ZNF608: variants seen among roughly 807,000 people sequenced by gnomAD.
ZNF608 encodes renal carcinoma antigen NY-REN-36.
ZNF608 carries 12 observed loss-of-function variants against 109.0 expected under a neutral mutation model. The observed-to-expected ratio is 0.11, with a 90% confidence interval of 0.07 to 0.18. The LOEUF is 0.18. Among genes scored for constraint, ZNF608 ranks in the 10% least tolerant of loss-of-function variants. ZNF608 has a pLI of 1.00. For missense variants in ZNF608, 1,707 were observed against 1,879.3 expected, an observed-to-expected ratio of 0.91 and a Z score of 1.70; for synonymous variants, 732 against 717.4, an observed-to-expected ratio of 1.02 and a Z score of -0.33.
At position 124,648,992 on chromosome 5, in the gene ZNF608, C is replaced by G. The variant is rs140407403; in HGVS notation, c.1392G>C (p.Gly464=). 3,353 of 1,614,116 alleles carry G rather than the reference C, an allele frequency of 2.1e-3. 36 individuals carry two copies. The highest frequency in any genetic ancestry group is 1.8e-3 in the Middle Eastern group (11 of 6,062). ...TGCCCCGCCTCCCTTTCCCATTGGCCCCCCCTCTGTTCTTATTCTGCAGCC... is the reference window on the plus strand; with the variant it reads ...TGCCCCGCCTCCCTTTCCCATTGGCGCCCCCTCTGTTCTTATTCTGCAGCC... ...SRGLQNKNRG[G]ANGKGRRGSL... is the part of the protein sequence containing the mutation. The change falls in exon 5 of 10, where the codon GGG becomes GGC. Residue 464 remains glycine, a synonymous_variant. Coordinates refer to ENST00000513986, the MANE Select transcript of ZNF608 (RefSeq NM_020747.3).
Position 124,637,688 on chromosome 5 carries a change from T to C in ZNF608, c.*212A>G. 4.5e-6 allele frequency: 1 copy of C among 222,086 alleles called. No individual in the cohort carries two copies. Among genetic ancestry groups the C allele is most frequent in the Non-Finnish European group, 8.5e-6 (1 of 117,618 alleles). 13.8% of individuals were successfully genotyped at this position (222,086 alleles called of 1,614,324 possible). On this transcript the variant is annotated 3_prime_UTR_variant, in exon 10 of 10. Transcript: ENST00000513986. ...ATATTTATATATATATATATGTATA[T>C]ATACAGATATGTATACGTATATATA... is the stretch of plus-strand genomic sequence containing the variant.
At chr5:124,692,078 A>C (rs1752650726) in intron 3 of ZNF608, among the ~76,000 whole-genome samples, 1 of 152,204 alleles carries the variant, frequency 6.6e-6, no homozygotes, top group Admixed American at 6.5e-5. Flanking sequence ...GAGGATATGA[A>C]TGATTTGAGG....
intron 3 of ZNF608, among the ~76,000 whole-genome samples, chr5:124,682,470 A>G (rs934974044): frequency 6.6e-6 from 1 of 152,264 alleles, no homozygotes; most frequent in Admixed American, 6.5e-5. Flanking sequence ...TGTATCCAAC[A>G]TAAGAGGCAA....
At position 124,639,270 on chromosome 5, in the gene ZNF608, C is replaced by A. The variant is rs190971886; in HGVS notation, c.4451-56G>T. On this transcript the variant is annotated intron_variant, in intron 8 of 9. Coordinates refer to ENST00000513986, the MANE Select transcript of ZNF608 (RefSeq NM_020747.3). Reference sequence around the variant, plus strand: ...ATCTTTAGAAGGATAAGAGTAGATACAGGCCCAGTGGAGAAGGGCCGCAGA... The same window carrying A: ...ATCTTTAGAAGGATAAGAGTAGATAAAGGCCCAGTGGAGAAGGGCCGCAGA... 4.7e-4 allele frequency: 716 copies of A among 1,530,472 alleles called. 9 individuals are homozygous for A. In the African/African-American group the frequency reaches 9.1e-3, roughly 19 times the overall value. 94.8% of individuals were successfully genotyped at this position (1,530,472 alleles called of 1,614,324 possible).
chr5:124,662,208 A>G (rs1410790491), intron 3 of ZNF608, among the ~76,000 whole-genome samples: 1 of 152,256 alleles, frequency 6.6e-6, no homozygotes, highest in Admixed American at 6.5e-5. Flanking sequence ...GTATTAATAT[A>G]CACAGCAGCG....
intron 2 of ZNF608, among the ~76,000 whole-genome samples, chr5:124,709,348 G>C (rs888531798): frequency 3.3e-5 from 5 of 152,136 alleles, no homozygotes; most frequent in Non-Finnish European, 7.4e-5. Flanking sequence ...AAACAGCAGT[G>C]ACTATTTTTA....
Position 124,744,547 on chromosome 5 carries a change from C to T in ZNF608, c.443G>A (p.Gly148Asp). The change falls in exon 2 of 10, where the codon GGC becomes GAC. Residue 148 changes from glycine to aspartate, a missense_variant. By Grantham distance (94) the Gly-to-Asp change is moderately conservative (BLOSUM62 -1). Transcript: ENST00000513986. The surrounding 1 kb of genome is among the most constrained non-coding windows in gnomAD (Gnocchi z 4.5). ...EVQGRPGEAT[G>D]MNSALGQSVS... ...ACTTTGACCCAGCGCTGAATTCATG[C>T]CAGTTGCCTCTCCAGGGCGCCCTTG... The T allele has an allele frequency of 6.2e-7, 1 of 1,614,230 alleles. No individual in the cohort carries two copies. The highest frequency in any genetic ancestry group is 8.5e-7 in the Non-Finnish European group (1 of 1,180,040).
intron 2 of ZNF608, among the ~76,000 whole-genome samples, chr5:124,709,304 G>A (rs1395058127): frequency 2.6e-5 from 4 of 151,424 alleles, no homozygotes; most frequent in Non-Finnish European, 4.4e-5. Context: ...CAAAGCAAGA[G>A]AATGTACACA....
chr5:124,744,615 A>G lies in ZNF608; in HGVS notation c.375T>C (p.Tyr125=). The change falls in exon 2 of 10, where the codon TAT becomes TAC. Residue 125 remains tyrosine (Y), a synonymous_variant. Transcript: ENST00000513986. This position sits in a 1 kb window ranked among gnomAD's most constrained non-coding sequence, Gnocchi z 4.5. ...ANKSLPSAAL[Y]GIPEISSTGK... ...CAGTGCTGCTGATCTCGGGAATCCCATACAAGGCAGCAGAAGGCAGAGATT... is the reference window on the plus strand; with the variant it reads ...CAGTGCTGCTGATCTCGGGAATCCCGTACAAGGCAGCAGAAGGCAGAGATT... 1 of 1,614,222 alleles carries G rather than the reference A, an allele frequency of 6.2e-7. No individual in the cohort carries two copies. The highest frequency in any genetic ancestry group is 8.5e-7 in the Non-Finnish European group (1 of 1,180,034).
chr5:124,646,101 G>A (rs965364049), intron 5 of ZNF608, among the ~76,000 whole-genome samples: 3 of 152,164 alleles, frequency 2.0e-5, no homozygotes, highest in Non-Finnish European at 4.4e-5. Context: ...GGTGGCTCAC[G>A]CCTGTAATCC....
At chr5:124,743,136 C>T (rs1183130805) in intron 2 of ZNF608, among the ~76,000 whole-genome samples, 2 of 152,010 alleles carry the variant, frequency 1.3e-5, no homozygotes, top group Admixed American at 1.3e-4. Context: ...TCTTCCAAGG[C>T]AGTGTCTAAC....
intron 3 of ZNF608, among the ~76,000 whole-genome samples, chr5:124,679,903 T>G (rs528193075): frequency 1.6e-4 from 25 of 152,252 alleles, no homozygotes; most frequent in African/African-American, 6.0e-4. Context: ...TTCTTAGAAG[T>G]GCAGATATTA....
At position 124,744,258 on chromosome 5, in the gene ZNF608, T is replaced by A. The variant is rs749651144; in HGVS notation, c.732A>T (p.Gly244=). ...CGCAGTGGAAGGGGCTCGCGCCACC[T>A]CCATTGCTCTTGGCCCCAAAGCCAT... The part of the protein sequence containing the change: ...HLYGFGAKSN[G]GGASPFHCGG... Residue 244 remains glycine, a synonymous_variant, in exon 2 of 10, where the codon GGA becomes GGT. Coordinates refer to ENST00000513986, the MANE Select transcript of ZNF608 (RefSeq NM_020747.3). The surrounding 1 kb of genome is among the most constrained non-coding windows in gnomAD (Gnocchi z 4.5). The A allele has an allele frequency of 1.2e-6, 2 of 1,613,222 alleles. No individual in the cohort carries two copies. Among genetic ancestry groups the A allele is most frequent in the East Asian group, 4.5e-5 (2 of 44,850 alleles).
Position 124,710,020 on chromosome 5 carries a change from G to T in ZNF608, c.907-8751C>A, listed in dbSNP as rs1019648490. On this transcript the variant is annotated intron_variant, in intron 2 of 9. Transcript: ENST00000513986. ...TAAATTCTGGATGTTGCTAAACATG[G>T]TTGCGCCTACATTAGCCAATAAATC... 1.1e-5 allele frequency: 3 copies of T among 261,900 alleles called. No homozygotes were observed. In the East Asian group the frequency reaches 3.1e-4, roughly 27 times the overall value. The allele number at this position is 261,900 out of a possible 1,614,324, so 16.2% of individuals were successfully genotyped here.
At chr5:124,712,008 G>A (rs1016708267) in intron 2 of ZNF608, among the ~76,000 whole-genome samples, 7 of 152,162 alleles carry the variant, frequency 4.6e-5, no homozygotes, top group African/African-American at 1.4e-4. Flanking sequence ...AATTAGCCGG[G>A]TGTAGGTGTG....
chr5:124,644,113 G>A (rs11743931), intron 6 of ZNF608, 131 bp downstream of exon 6: 274,428 of 801,512 alleles, frequency 0.34, 50,047 homozygotes, highest in East Asian at 0.45. Context: ...TTATCTTTGG[G>A]ACTTTAAACA....
intron 2 of ZNF608, among the ~76,000 whole-genome samples, chr5:124,743,142 C>T (rs1383091584): frequency 1.3e-5 from 2 of 152,186 alleles, no homozygotes; most frequent in East Asian, 3.8e-4. Flanking sequence ...AAGGCAGTGT[C>T]TAACTATAGA....
At chr5:124,716,988 A>T (rs952563709) in intron 2 of ZNF608, among the ~76,000 whole-genome samples, 13 of 152,134 alleles carry the variant, frequency 8.5e-5, no homozygotes, top group Admixed American at 1.3e-4. Context: ...AGGCTGAGGC[A>T]GGAGAATCAC....
chr5:124,730,059 T>G (rs1748821906), intron 2 of ZNF608, among the ~76,000 whole-genome samples: 1 of 152,218 alleles, frequency 6.6e-6, no homozygotes, highest in East Asian at 1.9e-4. Flanking sequence ...GTAAAATTAT[T>G]CAAAAAGCTT....
Sources: gnomAD v4.1 joint callset for allele counts (sites outside exome capture counted in the v4.1 genomes callset) on GRCh38, gnomAD v4.1.1 for gene constraint, Gnocchi (gnomAD v3.1) non-coding constraint, MANE v1.5 for transcripts, NCBI Gene and HGNC (gene_info 2026-07-23, HGNC 2026-07-21) for gene names.